Variants in CADM1 observed in about 807,000 individuals in gnomAD.
CADM1 encodes the protein TSLC-1.
Under a neutral mutation model 53.1 loss-of-function variants are expected in CADM1, and 15 were observed. The observed-to-expected ratio is 0.28, with a 90% confidence interval of 0.19 to 0.44. The LOEUF (loss-of-function observed/expected upper bound fraction) is 0.44, where lower values mean the gene tolerates loss of function less well. Ranked by LOEUF, CADM1 falls within the 20% of genes least tolerant of loss-of-function variation. The probability of loss-of-function intolerance (pLI) is 1.00; values close to 1 mark genes in which losing one functional copy is unlikely to be tolerated. For synonymous variants in CADM1, 281 were observed against 243.0 expected (o/e 1.16, Z -1.45); for missense variants, 434 against 611.3 (o/e 0.71, Z 3.06).
intron 1 of CADM1, among the ~76,000 whole-genome samples, chr11:115,458,047 G>A (rs1254140850): frequency 6.6e-6 from 1 of 152,032 alleles, no homozygotes; most frequent in Admixed American, 6.6e-5. Context: ...ATATTTATGG[G>A]TGTACTCTTC....
intron 1 of CADM1, among the ~76,000 whole-genome samples, chr11:115,490,629 A>C (rs1652399620): frequency 6.6e-6 from 1 of 152,104 alleles, no homozygotes; most frequent in Non-Finnish European, 1.5e-5. Flanking sequence ...CGAACTCCTG[A>C]CCTTGTGATC....
At chr11:115,440,005 T>G (rs1448884835) in intron 1 of CADM1, among the ~76,000 whole-genome samples, 1 of 152,236 alleles carries the variant, frequency 6.6e-6, no homozygotes, top group African/African-American at 2.4e-5. Flanking sequence ...CAGCAAACAT[T>G]TATCCAGGAT....
At chr11:115,234,387 T>G (rs1349146472) in intron 3 of CADM1, among the ~76,000 whole-genome samples, 1 of 152,166 alleles carries the variant, frequency 6.6e-6, no homozygotes, top group East Asian at 1.9e-4. Flanking sequence ...CAGATTTCGT[T>G]TGGGGGCTGA....
chr11:115,295,814 A>G (rs1010182282), intron 1 of CADM1, among the ~76,000 whole-genome samples: 2 of 151,880 alleles, frequency 1.3e-5, no homozygotes, highest in Non-Finnish European at 2.9e-5. Context: ...TCCTGTTTCT[A>G]TGCTTTATCT....
chr11:115,176,182 AG>A lies in CADM1; in HGVS notation c.*291del, dbSNP rs1939018821. 2 of 1,196,798 alleles carry A rather than the reference AG, an allele frequency of 1.7e-6. No individual in the cohort carries two copies. Among genetic ancestry groups the A allele is most frequent in the Non-Finnish European group, 2.1e-6 (2 of 950,544 alleles). The allele number at this position is 1,196,798 out of a possible 1,614,324, so 74.1% of individuals were successfully genotyped here. ...AACAAACAAACAAAAAACAAGGCAC[AG>A]AATTTTCTGCAATCTACTGAAACTA... On this transcript the variant is annotated 3_prime_UTR_variant, in exon 12 of 12. Transcript: ENST00000331581.
At chr11:115,273,799 C>T (rs908568737) in intron 1 of CADM1, among the ~76,000 whole-genome samples, 2 of 152,188 alleles carry the variant, frequency 1.3e-5, no homozygotes, top group Non-Finnish European at 2.9e-5. Context: ...AACTCATCAA[C>T]ATTTATCAAA....
intron 5 of CADM1, among the ~76,000 whole-genome samples, chr11:115,226,781 T>A (rs992644665): frequency 6.6e-6 from 1 of 152,196 alleles, no homozygotes; most frequent in Non-Finnish European, 1.5e-5. Context: ...AACTTTTTGT[T>A]ACTGCATAGC....
chr11:115,309,956 T>C (rs887070869), intron 1 of CADM1, among the ~76,000 whole-genome samples: 17 of 152,140 alleles, frequency 1.1e-4, no homozygotes, highest in African/African-American at 4.8e-5. Context: ...GGGTTTACTG[T>C]TGTTCTTTAG....
chr11:115,277,959 C>T (rs1406451847), intron 1 of CADM1, among the ~76,000 whole-genome samples: 1 of 152,100 alleles, frequency 6.6e-6, no homozygotes, highest in Non-Finnish European at 1.5e-5. Flanking sequence ...TCAGTTTCTT[C>T]CATCCCTGGT....
chr11:115,352,860 C>G (rs1248619981), intron 1 of CADM1, among the ~76,000 whole-genome samples: 1 of 152,012 alleles, frequency 6.6e-6, no homozygotes, highest in Non-Finnish European at 1.5e-5. Flanking sequence ...ATTTCCAGGC[C>G]AGGCAGTACA....
At chr11:115,271,511 C>T (rs185303942) in intron 1 of CADM1, among the ~76,000 whole-genome samples, 102 of 152,206 alleles carry the variant, frequency 6.7e-4, no homozygotes, top group Middle Eastern at 3.4e-3. Flanking sequence ...CTCGATCTCC[C>T]GACCTTGTGA....
At chr11:115,219,417 G>A (rs914104146) in intron 5 of CADM1, among the ~76,000 whole-genome samples, 3 of 152,098 alleles carry the variant, frequency 2.0e-5, no homozygotes, top group Non-Finnish European at 4.4e-5. Flanking sequence ...TTTTAAGAGA[G>A]CCCCCTTGTT....
intron 1 of CADM1, among the ~76,000 whole-genome samples, chr11:115,406,789 A>G (rs938787204): frequency 6.6e-6 from 1 of 151,384 alleles, no homozygotes; most frequent in Admixed American, 6.6e-5. Context: ...TCAACTAAAC[A>G]TACAAAAAAA....
chr11:115,205,959 C>T (rs1940655616), intron 8 of CADM1, among the ~76,000 whole-genome samples: 3 of 152,190 alleles, frequency 2.0e-5, no homozygotes, highest in African/African-American at 7.2e-5. Context: ...AATCAACGCA[C>T]CCTAAGTTGA....
In CADM1 at chr11:115,277,022, G is replaced by C. The variant is rs144707945; in HGVS notation, c.125-36602C>G. On this transcript the variant is annotated intron_variant, in intron 1 of 11. Coordinates refer to ENST00000331581, the MANE Select transcript of CADM1 (RefSeq NM_001301043.2). Reference sequence around the variant, plus strand: ...ATTGCATCCAGTAAATTGCGAGCCCGAGGGCAAAATACAGAATGGGGAAGG... The same window carrying C: ...ATTGCATCCAGTAAATTGCGAGCCCCAGGGCAAAATACAGAATGGGGAAGG... Among the ~76,000 whole-genome samples, 861 of 152,296 alleles carry C rather than the reference G, an allele frequency of 5.7e-3. 7 individuals carry two copies. Among genetic ancestry groups the C allele is most frequent in the Non-Finnish European group, 9.6e-3 (652 of 68,034 alleles).
At chr11:115,324,364 A>G (rs1016089735) in intron 1 of CADM1, among the ~76,000 whole-genome samples, 1 of 152,194 alleles carries the variant, frequency 6.6e-6, no homozygotes, top group East Asian at 1.9e-4. Flanking sequence ...AACATCAACA[A>G]TAAAAATGAT....
chr11:115,337,197 T>C (rs1200387900), intron 1 of CADM1, among the ~76,000 whole-genome samples: 1 of 152,190 alleles, frequency 6.6e-6, no homozygotes, highest in African/African-American at 2.4e-5. Flanking sequence ...TCTGATATGC[T>C]TCTGCAACTA....
intron 1 of CADM1, among the ~76,000 whole-genome samples, chr11:115,388,300 G>A (rs944343670): frequency 6.6e-6 from 1 of 152,058 alleles, no homozygotes; most frequent in African/African-American, 2.4e-5. Flanking sequence ...TTCTTTATAG[G>A]AGAATGCTAA....
At chr11:115,406,689 C>G (rs1238642223) in intron 1 of CADM1, among the ~76,000 whole-genome samples, 1 of 150,854 alleles carries the variant, frequency 6.6e-6, no homozygotes, top group Non-Finnish European at 1.5e-5. Flanking sequence ...GCTCACGCCT[C>G]TAATCCCAGC....
Sources: allele counts gnomAD v4.1 joint callset (sites outside exome capture counted in the v4.1 genomes callset), GRCh38; gene constraint gnomAD v4.1.1; transcripts MANE v1.5; gene names NCBI Gene and HGNC (gene_info 2026-07-23, HGNC 2026-07-21).